KCNIP4: variants seen among roughly 807,000 people sequenced by gnomAD.
The protein encoded by KCNIP4 is Kv channel-interacting protein 4.
In KCNIP4, 12 loss-of-function variants were observed where a neutral mutation model predicts 34.0. The observed-to-expected ratio is 0.35, with a 90% CI of 0.23 to 0.57. The LOEUF (loss-of-function observed/expected upper bound fraction) is 0.57. Among genes scored for constraint, KCNIP4 ranks in the 20% least tolerant of loss-of-function variants. KCNIP4 has a pLI of 0.83. For missense variants in KCNIP4, 238 were observed against 311.7 expected (o/e 0.76, Z 1.78); for synonymous variants, 124 against 102.2 (o/e 1.21, Z -1.29).
chr4:21,721,757 A>G (rs1324582194), intron 1 of KCNIP4, among the ~76,000 whole-genome samples: 2 of 152,192 alleles, frequency 1.3e-5, no homozygotes, highest in Non-Finnish European at 2.9e-5. Context: ...TTTTGCTGCT[A>G]CATCAATAAA....
At chr4:21,121,696 T>C (rs1169485941) in intron 1 of KCNIP4, among the ~76,000 whole-genome samples, 1 of 152,338 alleles carries the variant, frequency 6.6e-6, no homozygotes, top group East Asian at 1.9e-4. Flanking sequence ...GTAAGTGAGA[T>C]ATTGCATACA....
At chr4:20,741,541 A>T (rs1448837153) in intron 5 of KCNIP4, among the ~76,000 whole-genome samples, 1 of 152,240 alleles carries the variant, frequency 6.6e-6, no homozygotes, top group Non-Finnish European at 1.5e-5. Context: ...GACACAACGT[A>T]CCAGAATCTC....
chr4:21,375,163 G>A (rs1720846639), intron 1 of KCNIP4, among the ~76,000 whole-genome samples: 1 of 146,416 alleles, frequency 6.8e-6, no homozygotes, highest in African/African-American at 2.8e-5. Flanking sequence ...AGGTGCATTA[G>A]TCGTAAAGGC....
chr4:21,498,351 C>T (rs560807898), intron 1 of KCNIP4, among the ~76,000 whole-genome samples: 1 of 152,084 alleles, frequency 6.6e-6, no homozygotes, highest in Non-Finnish European at 1.5e-5. Context: ...CAGCTGAAAG[C>T]CTGTGGTGTT....
At chr4:21,926,299 CA>C (rs372046677) in intron 1 of KCNIP4, among the ~76,000 whole-genome samples, 2,134 of 152,240 alleles carry the variant, frequency 0.014, 58 homozygotes, top group African/African-American at 0.048. Context: ...ATTCAAAGTA[CA>C]AAAGGCTCCA....
At chr4:21,043,804 T>C (rs1378862925) in intron 1 of KCNIP4, among the ~76,000 whole-genome samples, 1 of 152,186 alleles carries the variant, frequency 6.6e-6, no homozygotes, top group Non-Finnish European at 1.5e-5. Flanking sequence ...TTATGTCACT[T>C]AATCCTCATA....
Position 21,429,481 on chromosome 4 carries a change from G to T in KCNIP4, c.61+519090C>A, listed in dbSNP as rs1049719365. On this transcript the variant is annotated intron_variant, in intron 1 of 8. Transcript: ENST00000382152. ...GTTATTGTGTAGACATAGGTTTTCAGCTCCTTTAAGTAAAGGCAAAGGAGT... is the reference window on the plus strand; with the variant it reads ...GTTATTGTGTAGACATAGGTTTTCATCTCCTTTAAGTAAAGGCAAAGGAGT... Among the ~76,000 whole-genome samples, 10 of 152,210 alleles carry T rather than the reference G, an allele frequency of 6.6e-5. No homozygotes were observed. The South Asian group carries it at 2.1e-3, about 32-fold the overall frequency.
intron 2 of KCNIP4, among the ~76,000 whole-genome samples, chr4:20,871,299 G>A (rs919290703): frequency 6.6e-6 from 1 of 152,048 alleles, no homozygotes; most frequent in African/African-American, 2.4e-5. Flanking sequence ...ATGGAGACAT[G>A]GTTCTGAAGT....
intron 3 of KCNIP4, among the ~76,000 whole-genome samples, chr4:20,763,535 T>G (rs1368171632): frequency 2.0e-5 from 3 of 150,134 alleles, no homozygotes; most frequent in Non-Finnish European, 3.0e-5. Flanking sequence ...TCTATTCTCA[T>G]TTTTTTTGTT....
At chr4:21,351,849 A>C (rs1718032815) in intron 1 of KCNIP4, among the ~76,000 whole-genome samples, 1 of 152,194 alleles carries the variant, frequency 6.6e-6, no homozygotes, top group Admixed American at 6.5e-5. Context: ...AGCCTCCAGA[A>C]CATGGAGAAA....
intron 2 of KCNIP4, among the ~76,000 whole-genome samples, chr4:20,866,065 T>C (rs1269709883): frequency 2.6e-5 from 4 of 152,034 alleles, no homozygotes; most frequent in African/African-American, 9.7e-5. Flanking sequence ...CATAGCTGAA[T>C]TCTACCAGAC....
At chr4:21,005,656 A>G (rs1446005038) in intron 1 of KCNIP4, among the ~76,000 whole-genome samples, 1 of 152,166 alleles carries the variant, frequency 6.6e-6, no homozygotes, top group African/African-American at 2.4e-5. Context: ...GACAAGTTTG[A>G]TGAATTTCAC....
At chr4:21,598,319 G>A (rs1382587993) in intron 1 of KCNIP4, among the ~76,000 whole-genome samples, 3 of 152,208 alleles carry the variant, frequency 2.0e-5, no homozygotes, top group African/African-American at 7.2e-5. Flanking sequence ...TGAACTCTTA[G>A]TCTTTGCCAG....
At chr4:21,309,427 C>T (rs1190539397) in intron 1 of KCNIP4, among the ~76,000 whole-genome samples, 2 of 151,990 alleles carry the variant, frequency 1.3e-5, no homozygotes, top group Admixed American at 6.6e-5. Context: ...TATTTCATAC[C>T]TGTACAAAAA....
intron 1 of KCNIP4, among the ~76,000 whole-genome samples, chr4:21,694,926 A>ATAAT (rs1712109205): frequency 2.0e-5 from 2 of 98,090 alleles, no homozygotes; most frequent in African/African-American, 3.9e-5. Context: ...AAAAAAAAAA[A>ATAAT]AAAATAAAAA....
chr4:21,326,669 C>T (rs1321388417), intron 1 of KCNIP4, among the ~76,000 whole-genome samples: 1 of 151,020 alleles, frequency 6.6e-6, no homozygotes, highest in African/African-American at 2.4e-5. Context: ...AGACTTACCC[C>T]TGCCATTTTG....
chr4:21,745,025 CA>C (rs1461751017), intron 1 of KCNIP4, among the ~76,000 whole-genome samples: 1 of 151,946 alleles, frequency 6.6e-6, no homozygotes. Context: ...AGCAAAGAAA[CA>C]AAAAACAGTG....
chr4:21,799,560 T>G (rs1379540306), intron 1 of KCNIP4, among the ~76,000 whole-genome samples: 1 of 152,174 alleles, frequency 6.6e-6, no homozygotes, highest in Non-Finnish European at 1.5e-5. Context: ...TAATATATAT[T>G]CACTTTCAAA....
intron 1 of KCNIP4, among the ~76,000 whole-genome samples, chr4:21,449,738 G>T (rs1221502777): frequency 5.9e-5 from 9 of 151,408 alleles, no homozygotes; most frequent in African/African-American, 1.9e-4. Flanking sequence ...TTATCTTTTT[G>T]TTTTTTCACT....
Sources: allele counts gnomAD v4.1 joint callset (sites outside exome capture counted in the v4.1 genomes callset), GRCh38; gene constraint gnomAD v4.1.1; transcripts MANE v1.5; gene names NCBI Gene and HGNC (gene_info 2026-07-23, HGNC 2026-07-21).